The following ZNF521 variants were observed in gnomAD, a reference collection of about 807,000 sequenced individuals.
ZNF521 encodes the protein LYST-interacting protein 3.
Under a neutral mutation model 105.5 loss-of-function variants are expected in ZNF521, and 14 were observed. The observed-to-expected ratio is 0.13, with a 90% CI of 0.09 to 0.21. The LOEUF (loss-of-function observed/expected upper bound fraction) is 0.21. Among genes scored for constraint, ZNF521 ranks in the 10% least tolerant of loss-of-function variants. The pLI is 1.00. For synonymous variants in ZNF521, 635 were observed against 606.0 expected, an observed-to-expected ratio of 1.05 and a Z score of -0.70; for missense variants, 1,233 against 1,629.7, an observed-to-expected ratio of 0.76 and a Z score of 4.19.
At chr18:25,183,629 T>G (rs2035670394) in intron 5 of ZNF521, among the ~76,000 whole-genome samples, 1 of 152,174 alleles carries the variant, frequency 6.6e-6, no homozygotes, top group South Asian at 2.1e-4. Flanking sequence ...ATAAGGGAAC[T>G]TTGCTAAATA....
intron 5 of ZNF521, among the ~76,000 whole-genome samples, chr18:25,145,172 C>A (rs1404304273): frequency 6.6e-6 from 1 of 152,140 alleles, no homozygotes; most frequent in African/African-American, 2.4e-5. Context: ...CAATATCATG[C>A]AGGGCTTTTC....
chr18:25,173,116 C>T (rs189007844), intron 5 of ZNF521, among the ~76,000 whole-genome samples: 1 of 152,184 alleles, frequency 6.6e-6, no homozygotes, highest in Admixed American at 6.5e-5. Context: ...AATGATAAAT[C>T]TGAGTGCGTC....
intron 5 of ZNF521, among the ~76,000 whole-genome samples, chr18:25,169,167 A>G (rs1039420049): frequency 3.9e-5 from 6 of 152,156 alleles, no homozygotes; most frequent in African/African-American, 1.4e-4. Context: ...GGTCATCTTA[A>G]TTTAGCCTCA....
intron 5 of ZNF521, among the ~76,000 whole-genome samples, chr18:25,108,406 A>G (rs879233203): frequency 1.3e-5 from 2 of 152,138 alleles, no homozygotes; most frequent in Admixed American, 1.3e-4. Flanking sequence ...CATATATGGT[A>G]TAAGTTTTTC....
At chr18:25,102,976 C>T (rs116796533) in intron 5 of ZNF521, among the ~76,000 whole-genome samples, 2,590 of 152,192 alleles carry the variant, frequency 0.017, 80 homozygotes, top group African/African-American at 0.059. Context: ...CACCTCATCC[C>T]CCTATGTCTT....
At chr18:25,205,293 T>C (rs975112972) in intron 4 of ZNF521, among the ~76,000 whole-genome samples, 31 of 152,296 alleles carry the variant, frequency 2.0e-4, no homozygotes, top group Non-Finnish European at 4.4e-4. Flanking sequence ...TAAATTCTAG[T>C]TAACTTCTTA....
At chr18:25,141,262 C>T (rs2034842055) in intron 5 of ZNF521, among the ~76,000 whole-genome samples, 1 of 152,066 alleles carries the variant, frequency 6.6e-6, no homozygotes, top group African/African-American at 2.4e-5. Flanking sequence ...TTAAAAATTA[C>T]GTGTTTGTTT....
chr18:25,322,601 C>T (rs1412298930), intron 2 of ZNF521, among the ~76,000 whole-genome samples: 4 of 148,940 alleles, frequency 2.7e-5, no homozygotes, highest in Admixed American at 6.7e-5. Flanking sequence ...TAAATATACT[C>T]TTTCACGGGA....
intron 5 of ZNF521, among the ~76,000 whole-genome samples, chr18:25,156,828 A>G (rs2035153758): frequency 6.6e-6 from 1 of 152,230 alleles, no homozygotes; most frequent in Admixed American, 6.5e-5. Context: ...TAAAACGTGA[A>G]GAGTTCTTAG....
At chr18:25,103,965 A>G (rs983846976) in intron 5 of ZNF521, among the ~76,000 whole-genome samples, 7 of 152,144 alleles carry the variant, frequency 4.6e-5, no homozygotes, top group African/African-American at 1.7e-4. Flanking sequence ...AACCAAAGCT[A>G]AAGACTATGA....
At chr18:25,330,454 A>G (rs1913505221) in intron 2 of ZNF521, among the ~76,000 whole-genome samples, 1 of 152,116 alleles carries the variant, frequency 6.6e-6, no homozygotes, top group Admixed American at 6.5e-5. Context: ...GTGAGCCACC[A>G]TGCCCAGCCA....
At chr18:25,159,555 T>G (rs1275789484) in intron 5 of ZNF521, among the ~76,000 whole-genome samples, 1 of 152,128 alleles carries the variant, frequency 6.6e-6, no homozygotes, top group African/African-American at 2.4e-5. Flanking sequence ...GATTGATGAC[T>G]AAATAACGAT....
intron 5 of ZNF521, among the ~76,000 whole-genome samples, chr18:25,117,084 T>C (rs12953328): frequency 0.3 from 3,627 of 11,976 alleles, 136 homozygotes; most frequent in South Asian, 0.41. Context: ...CACACACACA[T>C]ACACACATCC....
intron 4 of ZNF521, among the ~76,000 whole-genome samples, chr18:25,206,631 C>T (rs1226852429): frequency 2.6e-5 from 4 of 151,930 alleles, no homozygotes; most frequent in Middle Eastern, 3.4e-3. Flanking sequence ...CTTTTATCTC[C>T]GCTGAGATAT....
At chr18:25,320,166 T>G (rs897484108) in intron 3 of ZNF521, among the ~76,000 whole-genome samples, 16 of 152,150 alleles carry the variant, frequency 1.1e-4, no homozygotes, top group Non-Finnish European at 2.2e-4. Context: ...CTATTTGTGT[T>G]AAAGGTTAAC....
intron 5 of ZNF521, among the ~76,000 whole-genome samples, chr18:25,150,951 TGATC>T (rs2035037094): frequency 6.7e-6 from 1 of 149,772 alleles, no homozygotes; most frequent in African/African-American, 2.5e-5. Context: ...TACAGTGGTG[TGATC>T]ACGGCTCACT....
chr18:25,123,600 T>C (rs182293245), intron 5 of ZNF521, among the ~76,000 whole-genome samples: 631 of 152,296 alleles, frequency 4.1e-3, no homozygotes, highest in Middle Eastern at 0.01. Context: ...GGTTGTTGCA[T>C]TCTCCAGTTT....
At chr18:25,337,331 T>C (rs768046507) in intron 2 of ZNF521, among the ~76,000 whole-genome samples, 1 of 152,156 alleles carries the variant, frequency 6.6e-6, no homozygotes, top group Admixed American at 6.5e-5. Flanking sequence ...AAGTTCTGTA[T>C]GGCAAAAGAG....
Position 25,226,034 on chromosome 18 carries a change from T to C in ZNF521, c.1884A>G (p.Ala628=). The stretch of plus-strand genomic sequence containing the variant: ...TACAGATATATTCTCCAGTGGGACG[T>C]GCAGGTGCACCTCCTACTGCCTGCA... ...KMMQAVGGAP[A]RPTGEYICNQ... is the part of the protein sequence containing the mutation. Residue 628 remains alanine (A), a synonymous_variant, in exon 4 of 8, where the codon GCA becomes GCG. Transcript: ENST00000361524. This position sits in a 1 kb window ranked among gnomAD's most constrained non-coding sequence, Gnocchi z 4.1. 1 of 1,614,202 alleles carries C rather than the reference T, an allele frequency of 6.2e-7. No individual in the cohort carries two copies. Among genetic ancestry groups the C allele is most frequent in the Non-Finnish European group, 8.5e-7 (1 of 1,180,028 alleles).
Sources: gnomAD v4.1 joint callset for allele counts (sites outside exome capture counted in the v4.1 genomes callset) on GRCh38, gnomAD v4.1.1 for gene constraint, Gnocchi (gnomAD v3.1) non-coding constraint, MANE v1.5 for transcripts, NCBI Gene and HGNC (gene_info 2026-07-23, HGNC 2026-07-21) for gene names.